The following GTF2H1 variants were observed in gnomAD, a reference collection of about 807,000 sequenced individuals.
The protein encoded by GTF2H1 is BTF2 p62.
Under a neutral mutation model 71.2 loss-of-function variants are expected in GTF2H1, and 16 were observed. The ratio of observed to expected loss-of-function variants is 0.22; its 90% CI spans 0.15 to 0.34. The LOEUF (loss-of-function observed/expected upper bound fraction) is 0.34, where lower values mean the gene tolerates loss of function less well. GTF2H1 is among the 10% of genes least tolerant of loss of function. The pLI, the probability that GTF2H1 is intolerant of heterozygous loss-of-function variation, is 1.00. For missense variants in GTF2H1, 498 were observed against 648.2 expected (o/e 0.77, Z 2.52); for synonymous variants, 215 against 219.0 (o/e 0.98, Z 0.16).
At chr11:18,349,049 C>G (rs370699003) in intron 9 of GTF2H1, among the ~76,000 whole-genome samples, 37 of 152,218 alleles carry the variant, frequency 2.4e-4, no homozygotes, top group African/African-American at 8.2e-4. Context: ...CGTGCACCAC[C>G]ATACCTAGCT....
chr11:18,346,965 C>G (rs1482733285), intron 7 of GTF2H1: 5 of 151,066 alleles, frequency 3.3e-5, no homozygotes, highest in Admixed American at 6.6e-5. Flanking sequence ...GTTTTGAACT[C>G]CTGACCTCAG....
rs756418312 is a variant in GTF2H1 at position 18,333,211 on chromosome 11, T to C, written c.137T>C (p.Met46Thr). 1 of 1,611,718 alleles carries C rather than the reference T, an allele frequency of 6.2e-7. No homozygotes were observed. Among genetic ancestry groups the C allele is most frequent in the South Asian group, 1.1e-5 (1 of 90,636 alleles). ...AAAGATAGATTTACAATCAGCCATA[T>C]GTATGCAGATATTAAATGTAAGTCA... ...EGKDRFTISHMYADIKCQKIS... is the reference protein window; with the variant it reads ...EGKDRFTISHTYADIKCQKIS... The change falls in exon 2 of 15, where the codon ATG becomes ACG. Residue 46 changes from methionine (M) to threonine (T), a missense_variant. Met to Thr is a moderately conservative substitution (Grantham distance 81). Transcript: ENST00000265963.
chr11:18,328,266 T>A (rs919284452), intron 1 of GTF2H1, among the ~76,000 whole-genome samples: 1 of 149,272 alleles, frequency 6.7e-6, no homozygotes, highest in Non-Finnish European at 1.5e-5. Flanking sequence ...ATCCCAGCAC[T>A]TTGGGAGGCC....
intron 7 of GTF2H1, among the ~76,000 whole-genome samples, chr11:18,346,520 T>C (rs1378922044): frequency 6.6e-6 from 1 of 152,030 alleles, no homozygotes; most frequent in East Asian, 1.9e-4. Context: ...TGGCATGGGG[T>C]CTTAATCAAT....
At chr11:18,355,702 A>G (rs1016949055) in intron 11 of GTF2H1, among the ~76,000 whole-genome samples, 2 of 151,556 alleles carry the variant, frequency 1.3e-5, no homozygotes, top group South Asian at 4.2e-4. Context: ...TTGTGTGTAG[A>G]CAGGGTTTCA....
intron 6 of GTF2H1, 53 bp from the exon 7 acceptor site, chr11:18,341,475 A>C (rs1210237139): frequency 3.7e-6 from 6 of 1,603,614 alleles, no homozygotes; most frequent in East Asian, 2.2e-5. Flanking sequence ...TATAAGTGTT[A>C]ATTTCTGAGA....
intron 14 of GTF2H1, among the ~76,000 whole-genome samples, chr11:18,362,542 C>G (rs1010285212): frequency 4.6e-5 from 7 of 151,998 alleles, no homozygotes; most frequent in African/African-American, 1.7e-4. Context: ...TAACACTTAA[C>G]CTAAAACACC....
intron 14 of GTF2H1, among the ~76,000 whole-genome samples, chr11:18,363,321 A>G (rs1472806396): frequency 3.3e-5 from 5 of 152,232 alleles, no homozygotes; most frequent in Non-Finnish European, 7.3e-5. Context: ...ATTAGGTCCT[A>G]TACATAATTG....
chr11:18,337,317 A>G (rs542863332), intron 3 of GTF2H1, among the ~76,000 whole-genome samples: 118 of 152,108 alleles, frequency 7.8e-4, no homozygotes, highest in Non-Finnish European at 1.3e-3. Context: ...GTAGTGGCGC[A>G]TACCTGTAAT....
chr11:18,329,974 C>G (rs76457623), intron 1 of GTF2H1, among the ~76,000 whole-genome samples: 4,090 of 152,128 alleles, frequency 0.027, 82 homozygotes, highest in African/African-American at 0.053. Context: ...AGAGTAGTTG[C>G]TAGAGGTTGG....
intron 1 of GTF2H1, chr11:18,326,129 A>G (rs1864759445): frequency 6.6e-6 from 1 of 152,236 alleles, no homozygotes; most frequent in Non-Finnish European, 1.5e-5. Context: ...CTGTGAGACA[A>G]TTGACCATTT....
chr11:18,353,717 AC>A (rs1368768766), intron 11 of GTF2H1, among the ~76,000 whole-genome samples: 39 of 152,302 alleles, frequency 2.6e-4, no homozygotes, highest in African/African-American at 9.1e-4. Context: ...ATCAAGACTT[AC>A]TTTTTTACTT....
At chr11:18,347,393 A>C (rs187446219) in intron 7 of GTF2H1, 195 bp from the exon 8 acceptor site, 70 of 483,202 alleles carry the variant, frequency 1.4e-4, no homozygotes, top group Non-Finnish European at 1.8e-5. Context: ...TTGTAATGCT[A>C]AAACGAGTTA....
chr11:18,331,405 A>G (rs550160503), intron 1 of GTF2H1, among the ~76,000 whole-genome samples: 1 of 151,872 alleles, frequency 6.6e-6, no homozygotes. Flanking sequence ...AGTGGCTCAC[A>G]CCTGTAATCC....
intron 14 of GTF2H1, among the ~76,000 whole-genome samples, chr11:18,363,381 C>T (rs1373309026): frequency 1.5e-4 from 23 of 151,912 alleles, no homozygotes; most frequent in Admixed American, 1.5e-3. Flanking sequence ...TCGTTTACAC[C>T]AGCATCCCTA....
At chr11:18,356,126 A>G (rs1209792308) in intron 11 of GTF2H1, among the ~76,000 whole-genome samples, 4 of 152,072 alleles carry the variant, frequency 2.6e-5, no homozygotes, top group Non-Finnish European at 4.4e-5. Context: ...ACTCACACCT[A>G]TAGTCCCAGC....
In GTF2H1 at chr11:18,365,075, AAAG is replaced by A. The variant is rs1590202658; in HGVS notation, c.1561-705_1561-703del. Among the ~76,000 whole-genome samples, 5 of 150,250 alleles carry A rather than the reference AAAG, an allele frequency of 3.3e-5. 2 individuals carry two copies. Among genetic ancestry groups the A allele is most frequent in the Admixed American group, 6.6e-5 (1 of 15,106 alleles). ...CAAGAGTCCATCTCCACTATTTAAA[AAAG>A]AAAAAAAAAAAAAACCTGGCCGGGC... On this transcript the variant is annotated intron_variant, in intron 14 of 14. Transcript: ENST00000265963.
rs1333594740 is a variant in GTF2H1 at position 18,366,811 on chromosome 11, C to G, written c.*942C>G. On this transcript the variant is annotated 3_prime_UTR_variant, in exon 15 of 15. Transcript: ENST00000265963. Reference sequence around the variant, plus strand: ...TTTAGAAGAAATAAAAGATGTTTCTCCTATCTCCTTTTCTCTAGTATTTGA... The same window carrying G: ...TTTAGAAGAAATAAAAGATGTTTCTGCTATCTCCTTTTCTCTAGTATTTGA... 3 of 151,694 alleles carry G rather than the reference C, an allele frequency of 2.0e-5. No individual in the cohort carries two copies. The highest frequency in any genetic ancestry group is 1.3e-4 in the Admixed American group (2 of 15,194). 9.4% of individuals were successfully genotyped at this position (151,694 alleles called of 1,614,324 possible). A position where few individuals can be genotyped will look rare whatever the true frequency, so the allele number is the denominator to read the frequency against.
intron 9 of GTF2H1, among the ~76,000 whole-genome samples, chr11:18,351,390 T>C (rs1202322320): frequency 6.6e-6 from 1 of 151,658 alleles, no homozygotes; most frequent in Non-Finnish European, 1.5e-5. Flanking sequence ...CAAGCGATTC[T>C]CCTGCCTCAG....
Sources: gnomAD v4.1 joint callset for allele counts (sites outside exome capture counted in the v4.1 genomes callset) on GRCh38, gnomAD v4.1.1 for gene constraint, MANE v1.5 for transcripts, NCBI Gene and HGNC (gene_info 2026-07-23, HGNC 2026-07-21) for gene names.